Variants in GNAL observed in about 807,000 individuals in gnomAD.
GNAL encodes guanine nucleotide-binding protein G(olf) subunit alpha.
GNAL carries 18 observed loss-of-function variants against 55.1 expected under a neutral mutation model. The ratio of observed to expected loss-of-function variants is 0.33; its 90% CI spans 0.23 to 0.48. GNAL has a LOEUF of 0.48. Among genes scored for constraint, GNAL ranks in the 20% least tolerant of loss-of-function variants. The pLI, the probability that GNAL is intolerant of heterozygous loss-of-function variation, is 0.99. For synonymous variants in GNAL, 253 were observed against 237.0 expected, an observed-to-expected ratio of 1.07 and a Z score of -0.62; for missense variants, 412 against 614.1, an observed-to-expected ratio of 0.67 and a Z score of 3.48.
At chr18:11,851,520 C>T (rs1353920284) in intron 5 of GNAL, 3 of 1,589,688 alleles carry the variant, frequency 1.9e-6, no homozygotes, top group Admixed American at 1.8e-5. Context: ...CTATGTCTAA[C>T]ATGGAGAAAC....
At chr18:11,771,349 A>T (rs1363384776) in intron 4 of GNAL, among the ~76,000 whole-genome samples, 1 of 152,202 alleles carries the variant, frequency 6.6e-6, no homozygotes, top group African/African-American at 2.4e-5. Context: ...GTTAATGTTA[A>T]CATTAACTAA....
At chr18:11,789,380 C>T (rs2034166343) in intron 4 of GNAL, among the ~76,000 whole-genome samples, 1 of 152,228 alleles carries the variant, frequency 6.6e-6, no homozygotes, top group African/African-American at 2.4e-5. Flanking sequence ...GCCCCAGCAA[C>T]TGTCCTCTAA....
At chr18:11,766,026 A>G (rs2033395670) in intron 4 of GNAL, among the ~76,000 whole-genome samples, 1 of 152,242 alleles carries the variant, frequency 6.6e-6, no homozygotes, top group African/African-American at 2.4e-5. Context: ...CTGAGAGAAA[A>G]TATTTTGAAC....
Position 11,731,625 on chromosome 18 carries a change from T to A in GNAL, c.377-21228T>A, listed in dbSNP as rs77149634. On this transcript the variant is annotated intron_variant, in intron 1 of 11. Coordinates refer to ENST00000334049, the MANE Select transcript of GNAL (RefSeq NM_182978.4). ...GCAATTGAATTCCAATCCAGAAAGA[T>A]TGCCATTTGTTTTTTTATTTCCCCT... Among the ~76,000 whole-genome samples, 343 of 152,312 alleles carry A rather than the reference T, an allele frequency of 2.3e-3. 9 individuals carry two copies. The East Asian group carries it at 0.061, about 27-fold the overall frequency.
intron 1 of GNAL, among the ~76,000 whole-genome samples, chr18:11,750,160 G>A (rs1163583038): frequency 6.6e-6 from 1 of 152,174 alleles, no homozygotes; most frequent in African/African-American, 2.4e-5. Context: ...GGTAACTGTT[G>A]GGGTTTGTAA....
chr18:11,705,347 A>G (rs1032288262), intron 1 of GNAL, among the ~76,000 whole-genome samples: 4 of 152,014 alleles, frequency 2.6e-5, no homozygotes, highest in African/African-American at 9.7e-5. Context: ...TTCTTTCTTC[A>G]TTCATCTTCC....
At chr18:11,701,115 G>A (rs1410954089) in intron 1 of GNAL, among the ~76,000 whole-genome samples, 2 of 152,174 alleles carry the variant, frequency 1.3e-5, no homozygotes, top group Non-Finnish European at 2.9e-5. Flanking sequence ...AAAAATACCA[G>A]TCCGAGCCTG....
intron 1 of GNAL, among the ~76,000 whole-genome samples, chr18:11,690,461 ATTT>A (rs143200662): frequency 2.7e-5 from 4 of 149,762 alleles, no homozygotes; most frequent in Non-Finnish European, 5.9e-5. Context: ...CTGCACTTGC[ATTT>A]TTTTTTTATT....
At chr18:11,708,554 A>AC (rs1229728246) in intron 1 of GNAL, among the ~76,000 whole-genome samples, 5 of 152,238 alleles carry the variant, frequency 3.3e-5, no homozygotes, top group African/African-American at 1.2e-4. Context: ...TAATACAGAG[A>AC]CACAAAGTGA....
intron 4 of GNAL, among the ~76,000 whole-genome samples, chr18:11,819,757 G>A (rs2035045676): frequency 6.6e-6 from 1 of 151,826 alleles, no homozygotes; most frequent in South Asian, 2.1e-4. Context: ...ATTTATCTTA[G>A]TTGCTAATGT....
At position 11,689,776 on chromosome 18, in the gene GNAL, G is replaced by C. The variant is rs1009415810; in HGVS notation, c.213G>C (p.Pro71=). 2 of 1,527,778 alleles carry C rather than the reference G, an allele frequency of 1.3e-6. No individual in the cohort carries two copies. Among genetic ancestry groups the C allele is most frequent in the Admixed American group, 4.0e-5 (2 of 49,954 alleles). The allele number at this position is 1,527,778 out of a possible 1,614,324, so 94.6% of individuals were successfully genotyped here. Residue 71 remains proline, a synonymous_variant, in exon 1 of 12, where the codon CCG becomes CCC. Transcript: ENST00000334049. The part of the protein sequence containing the change: ...PACARPKADK[P]KEKRQRTEQL... Reference sequence around the variant, plus strand: ...GCGCTCGGCCCAAAGCAGACAAGCCGAAGGAGAAGCGGCAGCGCACCGAGC... The same window carrying C: ...GCGCTCGGCCCAAAGCAGACAAGCCCAAGGAGAAGCGGCAGCGCACCGAGC...
intron 4 of GNAL, among the ~76,000 whole-genome samples, chr18:11,803,742 T>C (rs547808804): frequency 1.6e-3 from 196 of 124,716 alleles, no homozygotes; most frequent in Non-Finnish European, 2.8e-3. Context: ...ACGGAGATAC[T>C]GTGTAGTGGT....
intron 1 of GNAL, among the ~76,000 whole-genome samples, chr18:11,728,918 G>A (rs2032274299): frequency 6.6e-6 from 1 of 152,138 alleles, no homozygotes; most frequent in Admixed American, 6.6e-5. Context: ...GACTCCTCTT[G>A]GGAGAAATCA....
chr18:11,803,718 A>T (rs897144454), intron 4 of GNAL, among the ~76,000 whole-genome samples: 1 of 124,046 alleles, frequency 8.1e-6, no homozygotes, highest in Non-Finnish European at 1.8e-5. Flanking sequence ...ATACAGGTGC[A>T]GTTTGGATGG....
At chr18:11,766,520 T>C (rs1598439027) in intron 4 of GNAL, among the ~76,000 whole-genome samples, 1 of 152,352 alleles carries the variant, frequency 6.6e-6, no homozygotes, top group Non-Finnish European at 1.5e-5. Flanking sequence ...TTCAACAGAA[T>C]GGTTGGCCTT....
intron 1 of GNAL, among the ~76,000 whole-genome samples, chr18:11,721,950 CATAGCTG>C (rs1300576304): frequency 6.6e-6 from 1 of 151,522 alleles, no homozygotes; most frequent in Admixed American, 6.6e-5. Flanking sequence ...ATAGTCTCAC[CATAGCTG>C]ATTCACTAAG....
chr18:11,842,273 G>A (rs913506437), intron 5 of GNAL, among the ~76,000 whole-genome samples: 7 of 152,028 alleles, frequency 4.6e-5, no homozygotes, highest in African/African-American at 9.7e-5. Context: ...GAGCCACCGC[G>A]CTCGGCCTAG....
chr18:11,775,387 A>G (rs8098539), intron 4 of GNAL, among the ~76,000 whole-genome samples: 69,332 of 152,186 alleles, frequency 0.46, 20,079 homozygotes, highest in African/African-American at 0.83. Context: ...CTCCTCTGAG[A>G]TTTTACGCAG....
At chr18:11,725,313 G>A (rs1045815142) in intron 1 of GNAL, among the ~76,000 whole-genome samples, 3 of 152,142 alleles carry the variant, frequency 2.0e-5, no homozygotes, top group Non-Finnish European at 2.9e-5. Context: ...AGACAGGCAC[G>A]GAGGTAAGAC....
Sources: gnomAD v4.1 joint callset for allele counts (sites outside exome capture counted in the v4.1 genomes callset) on GRCh38, gnomAD v4.1.1 for gene constraint, MANE v1.5 for transcripts, NCBI Gene and HGNC (gene_info 2026-07-23, HGNC 2026-07-21) for gene names.